EVI5: variants seen among roughly 807,000 people sequenced by gnomAD.
EVI5 encodes the protein ecotropic viral integration site 5 protein homolog.
EVI5 carries 73 observed loss-of-function variants against 112.0 expected under a neutral mutation model. That is an observed-to-expected ratio of 0.65 (90% CI 0.54 to 0.79). The LOEUF is 0.79. EVI5 is among the 30% of genes least tolerant of loss of function. The pLI, the probability that EVI5 is intolerant of heterozygous loss-of-function variation, is 0.00. For missense variants in EVI5, 900 were observed against 968.8 expected (o/e 0.93, Z 0.94); for synonymous variants, 305 against 319.9 (o/e 0.95, Z 0.50).
chr1:92,680,142 T>C (rs1368820083), intron 9 of EVI5, among the ~76,000 whole-genome samples: 1 of 152,188 alleles, frequency 6.6e-6, no homozygotes, highest in Admixed American at 6.5e-5. Context: ...AAATGTTGAT[T>C]TGGATCACGC....
At chr1:92,789,446 GC>G (rs1420420413), upstream of EVI5, among the ~76,000 whole-genome samples, 1 of 152,074 alleles carries the variant, frequency 6.6e-6, no homozygotes, top group Non-Finnish European at 1.5e-5. Context: ...GGGACTACAG[GC>G]GCCTGCCACC....
intron 1 of EVI5, among the ~76,000 whole-genome samples, chr1:92,791,376 A>G (rs952663797): frequency 6.6e-6 from 1 of 152,206 alleles, no homozygotes; most frequent in Non-Finnish European, 1.5e-5. Flanking sequence ...CTTCTCATTC[A>G]TAAACTGGAG....
At chr1:92,594,461 C>A (rs1398833690) in intron 18 of EVI5, among the ~76,000 whole-genome samples, 1 of 151,004 alleles carries the variant, frequency 6.6e-6, no homozygotes, top group Non-Finnish European at 1.5e-5. Flanking sequence ...ACCATAAAAA[C>A]CCTAGAAGAA....
intron 19 of EVI5, among the ~76,000 whole-genome samples, chr1:92,529,887 AATT>A (rs1226792357): frequency 1.3e-5 from 2 of 152,200 alleles, no homozygotes; most frequent in Non-Finnish European, 2.9e-5. Flanking sequence ...CTTTCATAAA[AATT>A]ATGCTTACTG....
chr1:92,675,038 A>G (rs942383664), intron 10 of EVI5, among the ~76,000 whole-genome samples: 1 of 152,218 alleles, frequency 6.6e-6, no homozygotes, highest in African/African-American at 2.4e-5. Flanking sequence ...CTCAAAAAAC[A>G]AAGTATAGAA....
intron 2 of EVI5, among the ~76,000 whole-genome samples, chr1:92,725,596 AC>A (rs1675443232): frequency 6.6e-6 from 1 of 152,014 alleles, no homozygotes; most frequent in African/African-American, 2.4e-5. Flanking sequence ...GATGGCACAC[AC>A]CTGTAGTCCC....
intron 1 of EVI5, among the ~76,000 whole-genome samples, chr1:92,780,852 ATTTTTT>A (rs869256592): frequency 4.9e-4 from 68 of 139,750 alleles, no homozygotes; most frequent in African/African-American, 1.7e-3. Context: ...AAAAAAGTAA[ATTTTTT>A]TTTTTTTTTT....
intron 14 of EVI5, among the ~76,000 whole-genome samples, chr1:92,632,661 G>A (rs1216847513): frequency 6.6e-6 from 1 of 152,010 alleles, no homozygotes; most frequent in Non-Finnish European, 1.5e-5. Context: ...GGCTTTTTAT[G>A]TCTCTATTTC....
upstream of EVI5, chr1:92,785,231 T>C (rs1386992185): frequency 5.7e-6 from 2 of 351,616 alleles, no homozygotes; most frequent in Non-Finnish European, 8.0e-6. Flanking sequence ...TTGGACGGAG[T>C]GCAGAGGAGG....
At chr1:92,648,297 C>T (rs759115992) in intron 13 of EVI5, among the ~76,000 whole-genome samples, 6 of 149,164 alleles carry the variant, frequency 4.0e-5, no homozygotes, top group Non-Finnish European at 7.4e-5. Flanking sequence ...GGCGTGAACC[C>T]GGGAGGCGGA....
At chr1:92,758,397 C>T (rs1196795060) in intron 1 of EVI5, among the ~76,000 whole-genome samples, 1 of 151,866 alleles carries the variant, frequency 6.6e-6, no homozygotes, top group Non-Finnish European at 1.5e-5. Flanking sequence ...GGCAAAACCC[C>T]GTCTCTACAA....
chr1:92,570,445 GCAATATGGAATC>G (rs2100986023), intron 18 of EVI5, among the ~76,000 whole-genome samples: 1 of 152,238 alleles, frequency 6.6e-6, no homozygotes, highest in South Asian at 2.1e-4. Flanking sequence ...TTAGATGTTT[GCAATATGGAATC>G]CAACTTGGAG....
At chr1:92,666,034 A>G (rs1478243841) in intron 10 of EVI5, 42 bp from the exon 11 acceptor site, 1 of 1,293,774 alleles carries the variant, frequency 7.7e-7, no homozygotes, top group Non-Finnish European at 1.1e-6. Flanking sequence ...CATTTTTGAG[A>G]GGAAAAAAAA....
intron 16 of EVI5, among the ~76,000 whole-genome samples, chr1:92,609,882 T>TA (rs902171471): frequency 1.3e-5 from 2 of 149,118 alleles, no homozygotes; most frequent in African/African-American, 4.9e-5. Context: ...TCTTTTTTGT[T>TA]TTTTTTTTTT....
At chr1:92,551,040 CTTTTTTTTTTT>C (rs55898086) in intron 19 of EVI5, among the ~76,000 whole-genome samples, 2 of 80,702 alleles carry the variant, frequency 2.5e-5, no homozygotes, top group Non-Finnish European at 4.3e-5. Context: ...TTCTTTCTTT[CTTTTTTTTTTT>C]TTTTTTTTTG....
chr1:92,647,377 T>C lies in EVI5; in HGVS notation c.1393-11041A>G, dbSNP rs535172330. 3.4e-4 allele frequency: 91 copies of C among 268,442 alleles called. 1 individual carries two copies. Among genetic ancestry groups the C allele is most frequent in the African/African-American group, 1.8e-3 (80 of 45,380 alleles). 16.6% of individuals were successfully genotyped at this position (268,442 alleles called of 1,614,324 possible). ...TACAGACATGTCTCTTTTGGAGACA[T>C]GAAGGTCCTTCTTCTTGCCTCACTT... On this transcript the variant is annotated intron_variant, in intron 13 of 19. Coordinates refer to ENST00000684568, the MANE Select transcript of EVI5 (RefSeq NM_001350197.2).
chr1:92,598,345 T>C (rs753781164), intron 18 of EVI5, among the ~76,000 whole-genome samples: 40 of 152,132 alleles, frequency 2.6e-4, no homozygotes, highest in South Asian at 8.3e-4. Flanking sequence ...CAAACCCCCA[T>C]GACATGTGTT....
chr1:92,601,898 T>C (rs1649254999), intron 18 of EVI5, among the ~76,000 whole-genome samples: 3 of 152,196 alleles, frequency 2.0e-5, no homozygotes, highest in Admixed American at 1.3e-4. Flanking sequence ...TGTATAGAAA[T>C]ATGGCAAATT....
Position 92,508,960 on chromosome 1 carries a change from G to T in EVI5, c.*4696C>A, listed in dbSNP as rs200277864. ...TTTAACCAGAAATTAAACTTCAGTA[G>T]AATTAAAATTAATTTTTAAAACTTA... On this transcript the variant is annotated 3_prime_UTR_variant, in exon 20 of 20. Transcript: ENST00000684568. 45 of 152,174 alleles carry T rather than the reference G, an allele frequency of 3.0e-4. No homozygotes were observed. The highest frequency in any genetic ancestry group is 1.0e-3 in the African/African-American group (42 of 41,494). 9.4% of individuals were successfully genotyped at this position (152,174 alleles called of 1,614,324 possible).
Sources: allele counts gnomAD v4.1 joint callset (sites outside exome capture counted in the v4.1 genomes callset), GRCh38; gene constraint gnomAD v4.1.1; transcripts MANE v1.5; gene names NCBI Gene and HGNC (gene_info 2026-07-23, HGNC 2026-07-21).